The following TENM4 variants were observed in gnomAD, a reference collection of about 807,000 sequenced individuals.
TENM4 encodes teneurin-4.
Under a neutral mutation model 243.3 loss-of-function variants are expected in TENM4, and 82 were observed. The observed-to-expected ratio is 0.34, with a 90% CI of 0.28 to 0.40. TENM4 has a LOEUF of 0.40. TENM4 is among the 10% of genes least tolerant of loss of function. The pLI is 1.00. For synonymous variants in TENM4, 1,412 were observed against 1,456.3 expected, an observed-to-expected ratio of 0.97 and a Z score of 0.69; for missense variants, 3,138 against 3,673.3, an observed-to-expected ratio of 0.85 and a Z score of 3.77.
At chr11:78,870,537 G>T (rs628180) in intron 9 of TENM4, among the ~76,000 whole-genome samples, 43,130 of 152,092 alleles carry the variant, frequency 0.28, 6,576 homozygotes, top group African/African-American at 0.38. Flanking sequence ...TAAATATACT[G>T]CTTTTCCTCC....
At chr11:78,762,706 C>G (rs952018226) in intron 18 of TENM4, among the ~76,000 whole-genome samples, 3 of 152,194 alleles carry the variant, frequency 2.0e-5, no homozygotes, top group African/African-American at 7.2e-5. Context: ...TTACAGCATT[C>G]TTTTCAAAGG....
intron 3 of TENM4, among the ~76,000 whole-genome samples, chr11:79,176,338 G>C (rs770518932): frequency 6.6e-6 from 1 of 152,056 alleles, no homozygotes; most frequent in Non-Finnish European, 1.5e-5. Flanking sequence ...CTGCTCAATG[G>C]CCACTGACTC....
At chr11:78,755,156 C>T (rs1389338333) in intron 19 of TENM4, among the ~76,000 whole-genome samples, 1 of 152,056 alleles carries the variant, frequency 6.6e-6, no homozygotes, top group Admixed American at 6.6e-5. Flanking sequence ...TACATATTCC[C>T]CTTGAGCAAG....
At chr11:79,092,691 G>A (rs1460588109) in intron 4 of TENM4, among the ~76,000 whole-genome samples, 1 of 152,180 alleles carries the variant, frequency 6.6e-6, no homozygotes, top group African/African-American at 2.4e-5. Flanking sequence ...ATAAAGTAAT[G>A]CATTAATTAA....
At chr11:78,699,758 T>G (rs554270955) in intron 28 of TENM4, among the ~76,000 whole-genome samples, 1 of 152,318 alleles carries the variant, frequency 6.6e-6, no homozygotes, top group South Asian at 2.1e-4. Context: ...GAAACCGTTT[T>G]AGATTTCAGG....
intron 3 of TENM4, among the ~76,000 whole-genome samples, chr11:79,194,991 C>A (rs897821883): frequency 6.6e-6 from 1 of 152,170 alleles, no homozygotes; most frequent in African/African-American, 2.4e-5. Context: ...AGCCTAGGGA[C>A]TTGGTGCCCT....
intron 4 of TENM4, among the ~76,000 whole-genome samples, chr11:79,109,586 C>T (rs1358630035): frequency 6.6e-6 from 1 of 152,180 alleles, no homozygotes; most frequent in East Asian, 1.9e-4. Context: ...CCAGCCCACG[C>T]AAGCGAGCCA....
chr11:78,822,244 T>G (rs1317373730), intron 12 of TENM4, among the ~76,000 whole-genome samples: 2 of 152,212 alleles, frequency 1.3e-5, no homozygotes, highest in Non-Finnish European at 1.5e-5. Context: ...TCAAGAAACT[T>G]GGGTTCTAGT....
chr11:79,077,633 T>C (rs1044460819), intron 4 of TENM4, among the ~76,000 whole-genome samples: 1 of 152,144 alleles, frequency 6.6e-6, no homozygotes, highest in African/African-American at 2.4e-5. Flanking sequence ...TGAAAAACAC[T>C]GTCCTAGATC....
At chr11:78,905,828 G>A (rs1419412188) in intron 6 of TENM4, among the ~76,000 whole-genome samples, 1 of 152,248 alleles carries the variant, frequency 6.6e-6, no homozygotes, top group African/African-American at 2.4e-5. Flanking sequence ...AGAGAACAGG[G>A]AGTATTGGAC....
At chr11:79,017,288 G>A (rs990378485) in intron 6 of TENM4, among the ~76,000 whole-genome samples, 2 of 152,202 alleles carry the variant, frequency 1.3e-5, no homozygotes, top group East Asian at 3.9e-4. Flanking sequence ...GAGGCTGGAG[G>A]AAGTGGGGTA....
At chr11:78,730,907 T>G (rs1489618948) in intron 21 of TENM4, among the ~76,000 whole-genome samples, 1 of 152,234 alleles carries the variant, frequency 6.6e-6, no homozygotes, top group African/African-American at 2.4e-5. Flanking sequence ...GCAGGACTTA[T>G]ACCCTGGTGA....
intron 1 of TENM4, among the ~76,000 whole-genome samples, chr11:79,414,738 G>A (rs1233456621): frequency 6.6e-6 from 1 of 152,156 alleles, no homozygotes; most frequent in African/African-American, 2.4e-5. Flanking sequence ...AAATGGATCT[G>A]AAACACAGAT....
intron 8 of TENM4, among the ~76,000 whole-genome samples, chr11:78,890,734 G>T (rs1380083791): frequency 3.9e-5 from 6 of 152,206 alleles, no homozygotes; most frequent in Non-Finnish European, 8.8e-5. Flanking sequence ...AGGGCAGCGG[G>T]GTATGGTCAA....
chr11:79,320,805 A>G (rs1856875805), intron 1 of TENM4, among the ~76,000 whole-genome samples: 1 of 152,224 alleles, frequency 6.6e-6, no homozygotes, highest in Admixed American at 6.5e-5. Context: ...GGCACTGCTG[A>G]AATTCAGGTT....
At chr11:79,286,614 A>C (rs1856256904) in intron 2 of TENM4, among the ~76,000 whole-genome samples, 1 of 152,084 alleles carries the variant, frequency 6.6e-6, no homozygotes, top group African/African-American at 2.4e-5. Context: ...GGTTGCAGTG[A>C]GCCAGAATCG....
At chr11:79,325,446 G>A (rs1289457993) in intron 1 of TENM4, among the ~76,000 whole-genome samples, 1 of 152,206 alleles carries the variant, frequency 6.6e-6, no homozygotes, top group Non-Finnish European at 1.5e-5. Context: ...TCTGCTGTTT[G>A]TGTTGTGCTC....
chr11:78,955,166 C>T (rs1290247801), intron 6 of TENM4, among the ~76,000 whole-genome samples: 1 of 152,220 alleles, frequency 6.6e-6, no homozygotes, highest in Non-Finnish European at 1.5e-5. Context: ...AGGGGCAGCT[C>T]TGTGCTAAGC....
intron 6 of TENM4, among the ~76,000 whole-genome samples, chr11:78,943,147 A>T (rs1856939336): frequency 6.6e-6 from 1 of 152,234 alleles, no homozygotes; most frequent in Admixed American, 6.5e-5. Context: ...CTTTGAGACA[A>T]GACGTGCTGA....
Sources: gnomAD v4.1 joint callset for allele counts (sites outside exome capture counted in the v4.1 genomes callset) on GRCh38, gnomAD v4.1.1 for gene constraint, MANE v1.5 for transcripts, NCBI Gene and HGNC (gene_info 2026-07-23, HGNC 2026-07-21) for gene names.